The following CHRM2 variants were observed in gnomAD, a reference collection of about 807,000 sequenced individuals.
CHRM2 encodes the protein cholinergic receptor muscarinic 2.
CHRM2 carries 8 observed loss-of-function variants against 25.0 expected under a neutral mutation model. That is an observed-to-expected ratio of 0.32 (90% CI 0.19 to 0.58). CHRM2 has a LOEUF of 0.58. CHRM2 is among the 20% of genes least tolerant of loss of function. CHRM2 has a pLI of 0.88. For synonymous variants in CHRM2, 202 were observed against 205.7 expected, an observed-to-expected ratio of 0.98 and a Z score of 0.15; for missense variants, 440 against 567.1, an observed-to-expected ratio of 0.78 and a Z score of 2.28.
rs536701935 is a variant in CHRM2, at chr7:136,927,649, C to T, written c.-125+58231C>T. Among the ~76,000 whole-genome samples, 13 of 152,280 alleles carry T rather than the reference C, an allele frequency of 8.5e-5. No individual in the cohort carries two copies. In the South Asian group the frequency reaches 2.7e-3, roughly 32 times the overall value. On this transcript the variant is annotated intron_variant, in intron 2 of 3. Transcript: ENST00000680005. ...ATAAAATGAATTACCTTGTAACATG[C>T]TACCTATGAGCAACATTTCCAAAAT...
intron 2 of CHRM2, among the ~76,000 whole-genome samples, chr7:136,962,415 G>T (rs1284127235): frequency 6.6e-6 from 1 of 152,162 alleles, no homozygotes; most frequent in Non-Finnish European, 1.5e-5. Context: ...GATTACAGGT[G>T]TAAGCCACTG....
chr7:136,967,352 G>A (rs763823031), intron 2 of CHRM2, among the ~76,000 whole-genome samples: 14 of 152,104 alleles, frequency 9.2e-5, no homozygotes, highest in East Asian at 1.9e-4. Flanking sequence ...TAAAGTGGGC[G>A]TGATTTTCAA....
intron 2 of CHRM2, among the ~76,000 whole-genome samples, chr7:136,940,833 G>C (rs1036019450): frequency 9.9e-5 from 15 of 152,142 alleles, no homozygotes; most frequent in African/African-American, 3.4e-4. Flanking sequence ...ATTAAGTATA[G>C]GTGTTTTCTT....
rs905226816 is a variant in CHRM2, at chr7:137,002,119, C to T, written c.-47+9855C>T. Among the ~76,000 whole-genome samples, 15 of 152,014 alleles carry T rather than the reference C, an allele frequency of 9.9e-5. 1 individual carries two copies. The highest frequency in any genetic ancestry group is 2.2e-4 in the Non-Finnish European group (15 of 67,982). On this transcript the variant is annotated intron_variant, in intron 3 of 3. Transcript: ENST00000680005. ...AGACTGGCATTTAGAAGAAAGAATGCTTTCTGGTTTTTTGTTTTGTTTTGT... is the reference window on the plus strand; with the variant it reads ...AGACTGGCATTTAGAAGAAAGAATGTTTTCTGGTTTTTTGTTTTGTTTTGT...
intron 2 of CHRM2, among the ~76,000 whole-genome samples, chr7:136,985,667 A>C (rs1405668793): frequency 6.6e-6 from 1 of 152,112 alleles, no homozygotes; most frequent in Non-Finnish European, 1.5e-5. Context: ...GCATCTTACA[A>C]TCAATTCCAG....
rs939163924 is a variant in CHRM2 at position 137,018,892 on chromosome 7, T to C, written c.*2626T>C. On this transcript the variant is annotated 3_prime_UTR_variant, in exon 4 of 4. Coordinates refer to ENST00000680005, the MANE Select transcript of CHRM2 (RefSeq NM_001006630.2). ...AGGATTTTTATTAACCACTGCTGGA[T>C]TTGTCTATTTCAGTGGCTCTCAAAC... 6.6e-6 allele frequency: 1 copy of C among 151,946 alleles called. No homozygotes were observed. The highest frequency in any genetic ancestry group is 6.6e-5 in the Admixed American group (1 of 15,218). 9.4% of individuals were successfully genotyped at this position (151,946 alleles called of 1,614,324 possible). A position where few individuals can be genotyped will look rare whatever the true frequency, so the allele number is the denominator to read the frequency against.
chr7:136,910,781 G>A (rs1584740378), intron 2 of CHRM2, among the ~76,000 whole-genome samples: 1 of 149,362 alleles, frequency 6.7e-6, no homozygotes, highest in African/African-American at 2.5e-5. Flanking sequence ...TTGGGGTTTG[G>A]TGTGGTTATT....
chr7:136,917,776 C>G (rs1798203214), intron 2 of CHRM2, among the ~76,000 whole-genome samples: 1 of 152,074 alleles, frequency 6.6e-6, no homozygotes, highest in African/African-American at 2.4e-5. Context: ...GAGAACATTT[C>G]TCTCTTCATA....
rs116055019 is a variant in CHRM2, at chr7:136,900,867, C to T, written c.-125+31449C>T. ...AGAGAAGCAGACAGTGGCATATAGACGTCAGCAGGGGAACACTGAAAGATC... is the reference window on the plus strand; with the variant it reads ...AGAGAAGCAGACAGTGGCATATAGATGTCAGCAGGGGAACACTGAAAGATC... On this transcript the variant is annotated intron_variant, in intron 2 of 3. Transcript: ENST00000680005. Among the ~76,000 whole-genome samples, 631 of 151,992 alleles carry T rather than the reference C, an allele frequency of 4.2e-3. 6 individuals are homozygous for T. Among genetic ancestry groups the T allele is most frequent in the African/African-American group, 0.014 (601 of 41,500 alleles).
intron 2 of CHRM2, among the ~76,000 whole-genome samples, chr7:136,916,834 TTCTCTC>T (rs35224192): frequency 2.0e-5 from 3 of 148,670 alleles, no homozygotes; most frequent in African/African-American, 4.9e-5. Context: ...CTCCCTCTCT[TTCTCTC>T]TCTCTCTCTC....
chr7:136,935,820 CT>C (rs1446682437), intron 2 of CHRM2, among the ~76,000 whole-genome samples: 1 of 152,142 alleles, frequency 6.6e-6, no homozygotes, highest in Non-Finnish European at 1.5e-5. Context: ...AACTCATTTC[CT>C]TTTCACCTAA....
At chr7:136,878,692 A>G (rs1796142606) in intron 2 of CHRM2, among the ~76,000 whole-genome samples, 1 of 151,914 alleles carries the variant, frequency 6.6e-6, no homozygotes, top group Non-Finnish European at 1.5e-5. Flanking sequence ...CCTCATGCCC[A>G]CCCGATGTGG....
At chr7:136,987,323 G>T (rs1802923519) in intron 2 of CHRM2, among the ~76,000 whole-genome samples, 1 of 152,172 alleles carries the variant, frequency 6.6e-6, no homozygotes, top group South Asian at 2.1e-4. Context: ...ACATATCCCA[G>T]CTCTATGTCA....
At chr7:136,898,836 G>C (rs1022775099) in intron 2 of CHRM2, 5 of 152,166 alleles carry the variant, frequency 3.3e-5, no homozygotes, top group Non-Finnish European at 4.4e-5. Flanking sequence ...GCACTATCAA[G>C]ATGGATGAAA....
intron 2 of CHRM2, among the ~76,000 whole-genome samples, chr7:136,982,237 G>A (rs923325521): frequency 6.6e-6 from 1 of 152,156 alleles, no homozygotes; most frequent in Non-Finnish European, 1.5e-5. Context: ...TTGCGTTAAA[G>A]TCTGTTTTAT....
chr7:136,919,016 T>C (rs1290511244), intron 2 of CHRM2, among the ~76,000 whole-genome samples: 1 of 152,146 alleles, frequency 6.6e-6, no homozygotes, highest in East Asian at 1.9e-4. Flanking sequence ...GGAACTTTTG[T>C]GTAGCTAGCT....
At chr7:136,893,245 C>T (rs939432727) in intron 2 of CHRM2, among the ~76,000 whole-genome samples, 4 of 152,124 alleles carry the variant, frequency 2.6e-5, no homozygotes, top group African/African-American at 9.7e-5. Flanking sequence ...TTTCCCTAAT[C>T]CGGTGGTCTT....
At chr7:136,946,465 C>T (rs1800080841) in intron 2 of CHRM2, among the ~76,000 whole-genome samples, 1 of 152,092 alleles carries the variant, frequency 6.6e-6, no homozygotes, top group African/African-American at 2.4e-5. Context: ...TGCTATATTT[C>T]AGAAAAGTGT....
At chr7:136,980,183 A>G in intron 2 of CHRM2, among the ~76,000 whole-genome samples, 1 of 152,090 alleles carries the variant, frequency 6.6e-6, no homozygotes, top group East Asian at 1.9e-4. Flanking sequence ...TTGAATTCCT[A>G]GGTATTTTAT....
Sources: gnomAD v4.1 joint callset for allele counts (sites outside exome capture counted in the v4.1 genomes callset) on GRCh38, gnomAD v4.1.1 for gene constraint, MANE v1.5 for transcripts, NCBI Gene and HGNC (gene_info 2026-07-23, HGNC 2026-07-21) for gene names.